Variants in LINGO2 observed in about 807,000 individuals in gnomAD.
The protein encoded by LINGO2 is leucine rich repeat and Ig domain containing 2.
A neutral mutation model predicts 30.6 loss-of-function variants in LINGO2; 14 were observed. The ratio of observed to expected loss-of-function variants is 0.46; its 90% confidence interval spans 0.30 to 0.72. The LOEUF is 0.72. Among genes scored for constraint, LINGO2 ranks in the 30% least tolerant of loss-of-function variants. The pLI, the probability that LINGO2 is intolerant of heterozygous loss-of-function variation, is 0.07. For synonymous variants in LINGO2, 317 were observed against 288.5 expected, an observed-to-expected ratio of 1.10 and a Z score of -1.00; for missense variants, 729 against 751.7, an observed-to-expected ratio of 0.97 and a Z score of 0.35.
At chr9:29,028,983 T>A in the LINGO2 span, among the ~76,000 whole-genome samples, 2 of 152,178 alleles carry the variant, frequency 1.3e-5, no homozygotes, top group African/African-American at 4.8e-5. Context: ...AATAGCTGTA[T>A]ACACAGCATG....
intron 2 of LINGO2, among the ~76,000 whole-genome samples, chr9:28,421,115 A>C (rs2134878762): frequency 6.6e-6 from 1 of 152,160 alleles, no homozygotes; most frequent in African/African-American, 2.4e-5. Context: ...AGAAACAAAA[A>C]AAATTCAAAG....
At chr9:28,675,260 A>G (rs1554654668), upstream of LINGO2, among the ~76,000 whole-genome samples, 1 of 152,306 alleles carries the variant, frequency 6.6e-6, no homozygotes, top group East Asian at 1.9e-4. Flanking sequence ...TTAAAGTTTC[A>G]AAACTGAATG....
rs552376608 is a variant in LINGO2 at position 28,279,142 on chromosome 9, T to C, written c.-87+16066A>G. On this transcript the variant is annotated intron_variant, in intron 4 of 5. Coordinates refer to ENST00000379992, the Ensembl canonical transcript of LINGO2. ...CTACAATCTCATGATCAAACCTGAA[T>C]GGATGAGAAGTTGCTTCTTATGGAT... Among the ~76,000 whole-genome samples the C allele has an allele frequency of 1.1e-3, 162 of 152,314 alleles. 2 individuals carry two copies. In the South Asian group the frequency reaches 0.033, roughly 31 times the overall value.
chr9:28,251,066 A>T (rs1412435192), intron 4 of LINGO2, among the ~76,000 whole-genome samples: 1 of 152,150 alleles, frequency 6.6e-6, no homozygotes, highest in African/African-American at 2.4e-5. Flanking sequence ...AGAAAAAAAA[A>T]ATTAATTTTC....
chr9:28,521,146 T>C (rs1668391586), intron 1 of LINGO2, among the ~76,000 whole-genome samples: 2 of 152,194 alleles, frequency 1.3e-5, no homozygotes, highest in Admixed American at 1.3e-4. Flanking sequence ...TATCATTCCG[T>C]TGTAGGTTCT....
chr9:29,129,413 T>G, the LINGO2 span, among the ~76,000 whole-genome samples: 1 of 152,140 alleles, frequency 6.6e-6, no homozygotes, highest in Non-Finnish European at 1.5e-5. Context: ...AAATTACTTT[T>G]GATGCTCATT....
chr9:28,467,884 A>C (rs574758687), intron 2 of LINGO2, among the ~76,000 whole-genome samples: 1 of 152,288 alleles, frequency 6.6e-6, no homozygotes, highest in Admixed American at 6.5e-5. Context: ...TGAAAGGCTT[A>C]TAACATATTT....
intron 1 of LINGO2, among the ~76,000 whole-genome samples, chr9:28,602,854 C>A (rs534948009): frequency 3.9e-4 from 59 of 152,132 alleles, no homozygotes; most frequent in Admixed American, 1.3e-3. Flanking sequence ...CATAATCTGG[C>A]ATGATTAAAA....
At chr9:28,387,955 T>C (rs981776287) in intron 2 of LINGO2, among the ~76,000 whole-genome samples, 5 of 152,112 alleles carry the variant, frequency 3.3e-5, no homozygotes, top group African/African-American at 1.2e-4. Context: ...AGCTTCATTC[T>C]TGAAGTCAGC....
chr9:28,563,554 C>T (rs1275569821), intron 1 of LINGO2, among the ~76,000 whole-genome samples: 3 of 152,110 alleles, frequency 2.0e-5, no homozygotes, highest in Non-Finnish European at 4.4e-5. Flanking sequence ...TCTTTGTTTT[C>T]TGCAGTTCTA....
At chr9:28,231,783 A>G (rs1292920296) in intron 4 of LINGO2, among the ~76,000 whole-genome samples, 1 of 152,154 alleles carries the variant, frequency 6.6e-6, no homozygotes, top group Non-Finnish European at 1.5e-5. Flanking sequence ...AGATCAGACC[A>G]TCAACACACT....
the LINGO2 span, among the ~76,000 whole-genome samples, chr9:28,887,930 AAGAC>A: frequency 6.6e-6 from 1 of 152,266 alleles, no homozygotes; most frequent in East Asian, 1.9e-4. Context: ...TTTTAGAAAA[AAGAC>A]AGGTCAAAAT....
chr9:28,901,607 T>G, the LINGO2 span, among the ~76,000 whole-genome samples: 1 of 151,788 alleles, frequency 6.6e-6, no homozygotes, highest in Non-Finnish European at 1.5e-5. Flanking sequence ...TTTTTATATG[T>G]GATTAAAAAT....
chr9:28,926,718 C>T, the LINGO2 span, among the ~76,000 whole-genome samples: 8 of 152,148 alleles, frequency 5.3e-5, no homozygotes. Context: ...TGGTGTTCTA[C>T]TTCATGCTCT....
chr9:28,302,292 C>T (rs13297457), intron 3 of LINGO2, among the ~76,000 whole-genome samples: 22,820 of 152,206 alleles, frequency 0.15, 2,232 homozygotes, highest in Non-Finnish European at 0.21. Context: ...ACTGTCATCT[C>T]TCTATATAAC....
At chr9:28,440,315 A>G (rs540303166) in intron 2 of LINGO2, among the ~76,000 whole-genome samples, 41 of 152,334 alleles carry the variant, frequency 2.7e-4, no homozygotes, top group Non-Finnish European at 5.9e-5. Context: ...TGTATATAAA[A>G]AGGTGTGAAT....
chr9:28,011,057 G>A (rs993401163), intron 5 of LINGO2, among the ~76,000 whole-genome samples: 3 of 152,046 alleles, frequency 2.0e-5, no homozygotes, highest in African/African-American at 4.8e-5. Flanking sequence ...AATAACATAT[G>A]GAACAAAAAA....
chr9:28,013,377 A>G (rs1486784827), intron 4 of LINGO2, among the ~76,000 whole-genome samples: 1 of 152,202 alleles, frequency 6.6e-6, no homozygotes, highest in Non-Finnish European at 1.5e-5. Flanking sequence ...AAGAAGCCCC[A>G]AGGTAAAAGG....
chr9:28,510,688 G>A (rs1447606255), intron 1 of LINGO2, among the ~76,000 whole-genome samples: 32 of 147,070 alleles, frequency 2.2e-4, no homozygotes, highest in Middle Eastern at 3.5e-3. Context: ...ATATATGTGT[G>A]TGTGTGTGTG....
Sources: gnomAD v4.1 joint callset for allele counts (sites outside exome capture counted in the v4.1 genomes callset) on GRCh38, gnomAD v4.1.1 for gene constraint, MANE v1.5 for transcripts, NCBI Gene and HGNC (gene_info 2026-07-23, HGNC 2026-07-21) for gene names.